Variants in RAD51B observed in about 807,000 individuals in gnomAD.
The protein encoded by RAD51B is DNA repair protein RAD51 homolog 2.
In RAD51B, 38 loss-of-function variants were observed where a neutral mutation model predicts 42.2. The ratio of observed to expected loss-of-function variants is 0.90; its 90% CI spans 0.70 to 1.18. The LOEUF is 1.18. Among genes scored for constraint, RAD51B ranks in the 50% most tolerant of loss-of-function variants. RAD51B has a pLI of 0.00. For synonymous variants in RAD51B, 154 were observed against 145.2 expected (o/e 1.06, Z -0.43); for missense variants, 373 against 400.7 (o/e 0.93, Z 0.59).
intron 7 of RAD51B, among the ~76,000 whole-genome samples, chr14:68,240,669 C>T (rs908389696): frequency 3.9e-5 from 6 of 152,188 alleles, no homozygotes; most frequent in African/African-American, 1.4e-4. Flanking sequence ...TTCCCGTAGT[C>T]GTCCCAACTC....
chr14:68,047,809 A>G (rs2076327415), intron 7 of RAD51B, among the ~76,000 whole-genome samples: 1 of 152,220 alleles, frequency 6.6e-6, no homozygotes, highest in African/African-American at 2.4e-5. Context: ...AAATGCAGAC[A>G]GCAGAAAAGA....
chr14:68,143,334 G>A (rs2078175113), intron 7 of RAD51B, among the ~76,000 whole-genome samples: 1 of 152,182 alleles, frequency 6.6e-6, no homozygotes, highest in Non-Finnish European at 1.5e-5. Context: ...ACAGATAATG[G>A]TGTGGAAGGA....
chr14:68,288,712 A>T (rs115171524), intron 7 of RAD51B, among the ~76,000 whole-genome samples: 2,730 of 152,300 alleles, frequency 0.018, 70 homozygotes, highest in African/African-American at 0.061. Flanking sequence ...CAGTACCTTT[A>T]TATCTTGATT....
At chr14:68,152,124 G>A (rs994836869) in intron 7 of RAD51B, among the ~76,000 whole-genome samples, 4 of 151,984 alleles carry the variant, frequency 2.6e-5, no homozygotes, top group African/African-American at 7.2e-5. Flanking sequence ...GATTGCAGGC[G>A]TGAACCACCA....
intron 7 of RAD51B, among the ~76,000 whole-genome samples, chr14:68,259,099 A>G (rs2139533655): frequency 6.6e-6 from 1 of 152,342 alleles, no homozygotes; most frequent in South Asian, 2.1e-4. Context: ...TTTGTGAGAC[A>G]TGTCAGTGAT....
At chr14:68,214,807 C>T (rs1419960620) in intron 7 of RAD51B, among the ~76,000 whole-genome samples, 1 of 152,192 alleles carries the variant, frequency 6.6e-6, no homozygotes, top group Admixed American at 6.5e-5. Context: ...CCCCAGGACT[C>T]AATTTGTAAG....
intron 7 of RAD51B, among the ~76,000 whole-genome samples, chr14:68,249,890 A>C (rs1024271427): frequency 6.6e-6 from 1 of 152,334 alleles, no homozygotes; most frequent in Middle Eastern, 3.4e-3. Flanking sequence ...AACATATATA[A>C]ATCAGACCAA....
intron 7 of RAD51B, among the ~76,000 whole-genome samples, chr14:68,096,871 A>G (rs1049045666): frequency 2.6e-5 from 4 of 152,118 alleles, no homozygotes; most frequent in African/African-American, 9.7e-5. Flanking sequence ...GTTTGATTTC[A>G]TCTTTCTTAA....
At chr14:68,322,350 G>A (rs756806265) in intron 8 of RAD51B, among the ~76,000 whole-genome samples, 1 of 152,024 alleles carries the variant, frequency 6.6e-6, no homozygotes, top group Non-Finnish European at 1.5e-5. Flanking sequence ...CTGTATTTTG[G>A]CCAAACTGAC....
chr14:68,373,347 A>G (rs555960177), intron 8 of RAD51B, among the ~76,000 whole-genome samples: 29 of 152,326 alleles, frequency 1.9e-4, no homozygotes, highest in Non-Finnish European at 3.7e-4. Flanking sequence ...ATATCTAGGA[A>G]GTGGGAGAGT....
chr14:68,499,524 A>G (rs1231100555), intron 10 of RAD51B, among the ~76,000 whole-genome samples: 1 of 152,202 alleles, frequency 6.6e-6, no homozygotes, highest in African/African-American at 2.4e-5. Flanking sequence ...GTGGCTCCCA[A>G]AAAGATACGT....
At chr14:68,192,122 A>G (rs2079280131) in intron 7 of RAD51B, among the ~76,000 whole-genome samples, 1 of 152,216 alleles carries the variant, frequency 6.6e-6, no homozygotes, top group Non-Finnish European at 1.5e-5. Flanking sequence ...GGTCACCTAC[A>G]GGCCAGACAA....
At chr14:68,286,867 C>T (rs1336128142) in intron 7 of RAD51B, among the ~76,000 whole-genome samples, 1 of 152,208 alleles carries the variant, frequency 6.6e-6, no homozygotes, top group African/African-American at 2.4e-5. Flanking sequence ...GAGTTGGGCT[C>T]AGTTGGCTCA....
chr14:68,324,742 C>G (rs936591659), intron 8 of RAD51B, among the ~76,000 whole-genome samples: 6 of 152,098 alleles, frequency 3.9e-5, no homozygotes, highest in Admixed American at 3.9e-4. Flanking sequence ...TCTCTGGATT[C>G]CTGTTGAAGT....
chr14:68,086,572 A>G (rs2076988846), intron 7 of RAD51B, among the ~76,000 whole-genome samples: 1 of 152,068 alleles, frequency 6.6e-6, no homozygotes, highest in South Asian at 2.1e-4. Flanking sequence ...TATGGGATGC[A>G]GGGAGGGCAT....
chr14:68,631,879 G>C (rs1409387934), intron 10 of RAD51B, among the ~76,000 whole-genome samples: 6 of 152,208 alleles, frequency 3.9e-5, no homozygotes, highest in African/African-American at 1.4e-4. Flanking sequence ...TGTCCACACT[G>C]TATAACCATC....
intron 10 of RAD51B, among the ~76,000 whole-genome samples, chr14:68,559,384 A>T (rs1380443629): frequency 1.1e-3 from 151 of 142,418 alleles, no homozygotes; most frequent in African/African-American, 3.6e-3. Context: ...TCCCAGGGGC[A>T]TTTTTTTTTT....
chr14:68,512,111 A>C (rs1374373897), intron 10 of RAD51B, among the ~76,000 whole-genome samples: 1 of 152,156 alleles, frequency 6.6e-6, no homozygotes, highest in Non-Finnish European at 1.5e-5. Context: ...TGCCCTCTTG[A>C]GTGTGCCTTT....
At chr14:67,862,209 T>C (rs1409753323) in intron 4 of RAD51B, among the ~76,000 whole-genome samples, 3 of 152,126 alleles carry the variant, frequency 2.0e-5, no homozygotes, top group Non-Finnish European at 4.4e-5. Context: ...TTCTACAGTG[T>C]ACTATAAACA....
Sources: gnomAD v4.1 joint callset for allele counts (sites outside exome capture counted in the v4.1 genomes callset) on GRCh38, gnomAD v4.1.1 for gene constraint, MANE v1.5 for transcripts, NCBI Gene and HGNC (gene_info 2026-07-23, HGNC 2026-07-21) for gene names.